The following CSMD1 variants were observed in gnomAD, a reference collection of about 807,000 sequenced individuals.
CSMD1 encodes the protein CUB and sushi domain-containing protein 1.
CSMD1 carries 213 observed loss-of-function variants against 417.5 expected under a neutral mutation model. The observed-to-expected ratio is 0.51, with a 90% CI of 0.46 to 0.57. CSMD1 has a LOEUF of 0.57. CSMD1 is among the 20% of genes least tolerant of loss of function. The pLI is 0.00. For synonymous variants in CSMD1, 2,862 were observed against 1,736.8 expected, an observed-to-expected ratio of 1.65 and a Z score of -16.11; for missense variants, 6,923 against 4,529.7, an observed-to-expected ratio of 1.53 and a Z score of -15.17.
chr8:3,408,583 C>A (rs1812490061), intron 13 of CSMD1, among the ~76,000 whole-genome samples: 2 of 151,424 alleles, frequency 1.3e-5, no homozygotes, highest in Admixed American at 6.6e-5. Context: ...ATTCCTATAT[C>A]ATAGGAACAA....
intron 3 of CSMD1, among the ~76,000 whole-genome samples, chr8:4,379,308 C>A (rs1182408876): frequency 1.3e-5 from 2 of 152,034 alleles, no homozygotes; most frequent in Non-Finnish European, 2.9e-5. Context: ...TCAAGAAAGA[C>A]AAGGAAAGAC....
chr8:4,713,019 T>G (rs1221493034), intron 1 of CSMD1, among the ~76,000 whole-genome samples: 1 of 152,240 alleles, frequency 6.6e-6, no homozygotes, highest in Non-Finnish European at 1.5e-5. Context: ...GCTGCCTGAC[T>G]ACAAGGTGTG....
At chr8:4,286,631 A>C (rs1036018033) in intron 3 of CSMD1, among the ~76,000 whole-genome samples, 1 of 152,152 alleles carries the variant, frequency 6.6e-6, no homozygotes, top group Non-Finnish European at 1.5e-5. Flanking sequence ...GACCTCGAAG[A>C]AAGGTTTATC....
intron 3 of CSMD1, among the ~76,000 whole-genome samples, chr8:4,153,282 G>C (rs955289215): frequency 4.6e-5 from 7 of 152,170 alleles, no homozygotes; most frequent in African/African-American, 1.2e-4. Context: ...GAGTGTCCAA[G>C]TTTGACTCAG....
chr8:3,960,338 T>C (rs1043993745), intron 5 of CSMD1, among the ~76,000 whole-genome samples: 4 of 152,178 alleles, frequency 2.6e-5, no homozygotes, highest in African/African-American at 9.7e-5. Context: ...TTTCCAAATG[T>C]AATTGACACC....
intron 2 of CSMD1, among the ~76,000 whole-genome samples, chr8:4,479,006 C>T (rs1800948301): frequency 6.6e-6 from 1 of 152,282 alleles, no homozygotes; most frequent in African/African-American, 2.4e-5. Flanking sequence ...TACACTAAAA[C>T]ACTGTTGCAA....
chr8:3,814,491 C>T (rs1472932875), intron 5 of CSMD1, among the ~76,000 whole-genome samples: 2 of 152,090 alleles, frequency 1.3e-5, no homozygotes, highest in Non-Finnish European at 1.5e-5. Flanking sequence ...CAACTGTGGC[C>T]GAATTCATCC....
At position 4,916,567 on chromosome 8, in the gene CSMD1, G is replaced by A. The variant is rs188743509; in HGVS notation, c.85+77765C>T. ...AAAATGCACGTGGCACTCAAATACT[G>A]CCCTGCTCAATAAATGTAAGTTGAA... On this transcript the variant is annotated intron_variant, in intron 1 of 69. Transcript: ENST00000635120. Among the ~76,000 whole-genome samples, 6 of 152,270 alleles carry A rather than the reference G, an allele frequency of 3.9e-5. No individual in the cohort carries two copies. The East Asian group carries it at 7.7e-4, about 20-fold the overall frequency.
intron 2 of CSMD1, among the ~76,000 whole-genome samples, chr8:4,612,444 C>T (rs1044546208): frequency 2.6e-5 from 4 of 152,154 alleles, no homozygotes; most frequent in African/African-American, 7.2e-5. Context: ...GGGAAGATGC[C>T]ACCTACCTGT....
chr8:4,056,329 C>T (rs562947120), intron 3 of CSMD1, among the ~76,000 whole-genome samples: 27 of 151,514 alleles, frequency 1.8e-4, no homozygotes, highest in South Asian at 1.0e-3. Flanking sequence ...GTGATCCACC[C>T]GCGTCAGCCT....
intron 6 of CSMD1, among the ~76,000 whole-genome samples, chr8:3,721,888 A>T (rs908412702): frequency 6.6e-6 from 1 of 152,170 alleles, no homozygotes; most frequent in African/African-American, 2.4e-5. Context: ...GTGCCCGTTA[A>T]GTAGCTGACT....
chr8:3,231,097 A>C (rs1178150899), intron 26 of CSMD1, among the ~76,000 whole-genome samples: 1 of 152,182 alleles, frequency 6.6e-6, no homozygotes. Flanking sequence ...AGTTTTCACC[A>C]GAGTATCCCC....
At chr8:3,468,093 G>C (rs531468373) in intron 12 of CSMD1, among the ~76,000 whole-genome samples, 2 of 152,094 alleles carry the variant, frequency 1.3e-5, no homozygotes, top group East Asian at 3.9e-4. Flanking sequence ...CAACTATATA[G>C]ACAATCAGAA....
chr8:3,186,965 C>A lies in CSMD1; in HGVS notation c.5620+904G>T, dbSNP rs560073306. ...CCATGTTGGCCAGGCTGGTCTCGAA[C>A]TACTGACCTCAGGTGATCCGCCCAC... On this transcript the variant is annotated intron_variant, in intron 36 of 69. Transcript: ENST00000635120. Among the ~76,000 whole-genome samples, 6 of 152,336 alleles carry A rather than the reference C, an allele frequency of 3.9e-5. No homozygotes were observed. In the East Asian group the frequency reaches 1.2e-3, roughly 29 times the overall value.
At chr8:3,902,057 T>G (rs1180764381) in intron 5 of CSMD1, among the ~76,000 whole-genome samples, 1 of 152,226 alleles carries the variant, frequency 6.6e-6, no homozygotes. Flanking sequence ...CAATGATTTG[T>G]ACAGATTGTT....
intron 7 of CSMD1, among the ~76,000 whole-genome samples, chr8:3,679,739 T>G (rs1395152742): frequency 2.0e-5 from 3 of 152,220 alleles, no homozygotes; most frequent in Non-Finnish European, 4.4e-5. Flanking sequence ...TACATTCTTC[T>G]CAGCATCACA....
rs190639886 is a variant in CSMD1 at position 4,272,699 on chromosome 8, T to G, written c.415+147254A>C. Among the ~76,000 whole-genome samples the G allele has an allele frequency of 4.6e-5, 7 of 152,312 alleles. No individual in the cohort carries two copies. The East Asian group carries it at 1.4e-3, about 29-fold the overall frequency. On this transcript the variant is annotated intron_variant, in intron 3 of 69. Transcript: ENST00000635120. ...TGAACATAAAATATATTTGGAAGAC[T>G]GTACATTTTCATTCTGTAATTCTTG...
At chr8:3,341,479 T>A (rs1807642818) in intron 23 of CSMD1, among the ~76,000 whole-genome samples, 1 of 152,184 alleles carries the variant, frequency 6.6e-6, no homozygotes, top group Non-Finnish European at 1.5e-5. Context: ...GGGAAACAGT[T>A]ACTAGGGTTG....
intron 4 of CSMD1, among the ~76,000 whole-genome samples, chr8:4,013,724 G>A (rs1796389235): frequency 6.6e-6 from 1 of 152,186 alleles, no homozygotes; most frequent in Non-Finnish European, 1.5e-5. Flanking sequence ...TACAACAAAT[G>A]TTGGCGAACT....
Sources: allele counts gnomAD v4.1 joint callset (sites outside exome capture counted in the v4.1 genomes callset), GRCh38; gene constraint gnomAD v4.1.1; transcripts MANE v1.5; gene names NCBI Gene and HGNC (gene_info 2026-07-23, HGNC 2026-07-21).